Variants in LSM8 observed in about 807,000 individuals in gnomAD.
LSM8 encodes LSM8 U6 small nuclear RNA associated.
A neutral mutation model predicts 15.0 loss-of-function variants in LSM8; 14 were observed. The observed-to-expected ratio is 0.93, with a 90% CI of 0.62 to 1.46. The LOEUF (loss-of-function observed/expected upper bound fraction) is 1.46, where lower values mean the gene tolerates loss of function less well. LSM8 is among the 40% of genes most tolerant of loss of function. The pLI, the probability that LSM8 is intolerant of heterozygous loss-of-function variation, is 0.00. For synonymous variants in LSM8, 50 were observed against 42.1 expected (o/e 1.19, Z -0.73); for missense variants, 90 against 115.4 (o/e 0.78, Z 1.01).
chr7:118,193,806 T>A lies in LSM8; in HGVS notation c.*1804T>A, dbSNP rs1809029937. On this transcript the variant is annotated 3_prime_UTR_variant, in exon 4 of 4. Transcript: ENST00000249299. ...CAAATGAAGTCCAGAGTCAGATCTT[T>A]TCTCAAAATACTTGGCATATCAACA... is the stretch of plus-strand genomic sequence containing the variant. Among the ~76,000 whole-genome samples, 1 of 152,098 alleles carries A rather than the reference T, an allele frequency of 6.6e-6. No homozygotes were observed. Among genetic ancestry groups the A allele is most frequent in the Admixed American group, 6.6e-5 (1 of 15,260 alleles).
rs549493392 is a variant in LSM8 at position 118,192,767 on chromosome 7, A to G, written c.*765A>G. On this transcript the variant is annotated 3_prime_UTR_variant, in exon 4 of 4. Coordinates refer to ENST00000249299, the MANE Select transcript of LSM8 (RefSeq NM_016200.5). Reference sequence around the variant, plus strand: ...ATTTTTAATTTTTAAGAATTGGAGAATTTCTAATGTTAAAGTTAGTTTATA... The same window carrying G: ...ATTTTTAATTTTTAAGAATTGGAGAGTTTCTAATGTTAAAGTTAGTTTATA... The G allele has an allele frequency of 6.6e-6, 1 of 152,316 alleles. No homozygotes were observed. Among genetic ancestry groups the G allele is most frequent in the Non-Finnish European group, 1.5e-5 (1 of 68,006 alleles). The allele number at this position is 152,316 out of a possible 1,614,324, so 9.4% of individuals were successfully genotyped here.
chr7:118,190,224 A>G (rs1298749781), intron 3 of LSM8: 1 of 152,222 alleles, frequency 6.6e-6, no homozygotes, highest in African/African-American at 2.4e-5. Context: ...AAAATATTTT[A>G]GAGATGACTT....
intron 3 of LSM8, chr7:118,189,555 TAAAA>T (rs1220042351): frequency 6.8e-6 from 1 of 147,778 alleles, no homozygotes; most frequent in Non-Finnish European, 1.5e-5. Flanking sequence ...TGTCAAAAAA[TAAAA>T]AAGAAAAGTG....
In LSM8 at chr7:118,194,797, G is replaced by A. The variant is rs866353793; in HGVS notation, c.*2795G>A. Reference sequence around the variant, plus strand: ...TGACAATATAGTTAGTATATTCTGGGCCTTCATCTTCAAAATTAGTAGGTA... The same window carrying A: ...TGACAATATAGTTAGTATATTCTGGACCTTCATCTTCAAAATTAGTAGGTA... On this transcript the variant is annotated 3_prime_UTR_variant, in exon 4 of 4. Coordinates refer to ENST00000249299, the MANE Select transcript of LSM8 (RefSeq NM_016200.5). Among the ~76,000 whole-genome samples, 2 of 152,066 alleles carry A rather than the reference G, an allele frequency of 1.3e-5. No homozygotes were observed. Among genetic ancestry groups the A allele is most frequent in the South Asian group, 2.1e-4 (1 of 4,828 alleles).
intron 2 of LSM8, among the ~76,000 whole-genome samples, chr7:118,187,940 A>C (rs2402322): frequency 0.71 from 108,247 of 151,670 alleles, 38,850 homozygotes; most frequent in South Asian, 0.85. Context: ...TCCCTTAAAT[A>C]TCCTTTGTCT....
In LSM8 at chr7:118,191,942, A is replaced by G; in HGVS notation, c.231A>G (p.Thr77=). The G allele has an allele frequency of 1.9e-6, 3 of 1,613,126 alleles. No individual in the cohort carries two copies. The highest frequency in any genetic ancestry group is 1.7e-6 in the Non-Finnish European group (2 of 1,179,462). ...VAVIGEIDEE[T]DSALDLGNIR... is the part of the protein sequence containing the mutation. ...TCATTGGAGAAATCGATGAAGAAAC[A>G]GATTCTGCGCTTGATTTGGGGAATA... The change falls in exon 4 of 4, where the codon ACA becomes ACG. Residue 77 remains threonine (T), a synonymous_variant. Transcript: ENST00000249299.
rs1809043033 is a variant in LSM8, at chr7:118,194,458, G to A, written c.*2456G>A. Reference sequence around the variant, plus strand: ...GCACTTTGGTAACTTGGCCTCACATGCTGACAGTTTTGGCTAAATATTACA... The same window carrying A: ...GCACTTTGGTAACTTGGCCTCACATACTGACAGTTTTGGCTAAATATTACA... On this transcript the variant is annotated 3_prime_UTR_variant, in exon 4 of 4. Transcript: ENST00000249299. Among the ~76,000 whole-genome samples, 1 of 151,166 alleles carries A rather than the reference G, an allele frequency of 6.6e-6. No homozygotes were observed. The highest frequency in any genetic ancestry group is 1.5e-5 in the Non-Finnish European group (1 of 67,798).
In LSM8 at chr7:118,201,058, A is replaced by G. The variant is rs148661744; in HGVS notation, c.*9056A>G. On this transcript the variant is annotated 3_prime_UTR_variant, in exon 4 of 4. Coordinates refer to ENST00000249299, the MANE Select transcript of LSM8 (RefSeq NM_016200.5). ...AGTTTTGCTTGTATCACTCATAGTT[A>G]CTAAAAATGCAAAAGGCAAATTTGA... Among the ~76,000 whole-genome samples, 771 of 152,256 alleles carry G rather than the reference A, an allele frequency of 5.1e-3. 5 individuals carry two copies. The highest frequency in any genetic ancestry group is 0.017 in the African/African-American group (711 of 41,572).
chr7:118,197,257 A>C lies in LSM8; in HGVS notation c.*5255A>C, dbSNP rs1809095560. 1.3e-5 allele frequency among the ~76,000 whole-genome samples: 2 copies of C among 151,432 alleles called. No homozygotes were observed. Among genetic ancestry groups the C allele is most frequent in the Admixed American group, 6.6e-5 (1 of 15,216 alleles). On this transcript the variant is annotated 3_prime_UTR_variant, in exon 4 of 4. Transcript: ENST00000249299. ...TGCCATATAATTAGTATGGTACCAA[A>C]TTGTTATTACATTTGAAATACGTTA...
chr7:118,202,370 G>A lies in LSM8; in HGVS notation c.*10368G>A, dbSNP rs1655197595. Among the ~76,000 whole-genome samples, 1 of 151,914 alleles carries A rather than the reference G, an allele frequency of 6.6e-6. No individual in the cohort carries two copies. Among genetic ancestry groups the A allele is most frequent in the Non-Finnish European group, 1.5e-5 (1 of 67,934 alleles). Reference sequence around the variant, plus strand: ...AAAGAACAGAAAAGTGAAAAGCAAGGCAGTTCAGACTGGGGCACCTACTCA... The same window carrying A: ...AAAGAACAGAAAAGTGAAAAGCAAGACAGTTCAGACTGGGGCACCTACTCA... On this transcript the variant is annotated 3_prime_UTR_variant, in exon 4 of 4. Transcript: ENST00000249299.
chr7:118,185,594 G>A (rs1323437807), intron 1 of LSM8, 60 bp from the exon 2 acceptor site: 14 of 1,415,604 alleles, frequency 9.9e-6, no homozygotes, highest in Non-Finnish European at 1.0e-6. Context: ...TCATTCCCTT[G>A]CCAGAGTCTG....
chr7:118,185,673 A>G lies in LSM8; in HGVS notation c.51A>G (p.Thr17=). The G allele has an allele frequency of 6.2e-7, 1 of 1,611,544 alleles. No individual in the cohort carries two copies. Among genetic ancestry groups the G allele is most frequent in the Non-Finnish European group, 8.5e-7 (1 of 1,177,890 alleles). The change falls in exon 2 of 4, where the codon ACA becomes ACG. Residue 17 remains threonine, a synonymous_variant. Transcript: ENST00000249299. ...TATCAGGAACTGTTGCCGTTATTAC[A>G]TCAGATGGGAGAATGATTGTGGTAA... ...NYINRTVAVI[T]SDGRMIVGTL...
Position 118,202,149 on chromosome 7 carries a change from A to G in LSM8, c.*10147A>G, listed in dbSNP as rs571148054. 6.6e-6 allele frequency among the ~76,000 whole-genome samples: 1 copy of G among 152,180 alleles called. No homozygotes were observed. Among genetic ancestry groups the G allele is most frequent in the Non-Finnish European group, 1.5e-5 (1 of 67,964 alleles). ...TCTGGGGATGTCTTGAAATAGATAC[A>G]TTGGCAGTTTTTTTGTTTTTGTTTT... On this transcript the variant is annotated 3_prime_UTR_variant, in exon 4 of 4. Coordinates refer to ENST00000249299, the MANE Select transcript of LSM8 (RefSeq NM_016200.5).
chr7:118,191,328 C>A (rs1009619307), intron 3 of LSM8: 2 of 152,208 alleles, frequency 1.3e-5, no homozygotes, highest in Non-Finnish European at 2.9e-5. Flanking sequence ...TAGCTTTTAA[C>A]CTGAGCCAAT....
rs918116769 is a variant in LSM8 at position 118,200,378 on chromosome 7, C to T, written c.*8376C>T. On this transcript the variant is annotated 3_prime_UTR_variant, in exon 4 of 4. Coordinates refer to ENST00000249299, the MANE Select transcript of LSM8 (RefSeq NM_016200.5). ...CTGGTACAAGTGAAAAACCTCTCAG[C>T]CCTACACAGCATCTTTAAGAAAGCT... is the stretch of plus-strand genomic sequence containing the variant. Among the ~76,000 whole-genome samples, 9 of 152,100 alleles carry T rather than the reference C, an allele frequency of 5.9e-5. No individual in the cohort carries two copies. Among genetic ancestry groups the T allele is most frequent in the Middle Eastern group, 3.4e-3 (1 of 294 alleles).
chr7:118,185,466 A>T, intron 1 of LSM8, 188 bp from the exon 2 acceptor site: 1 of 576,618 alleles, frequency 1.7e-6, no homozygotes. Flanking sequence ...AGCTGGTCTC[A>T]CCTCAAGTGA....
intron 1 of LSM8, 35 bp downstream of exon 1, chr7:118,184,289 G>GGGTCGCGGAGAGGCCGC (rs1049993117): frequency 6.8e-7 from 1 of 1,461,864 alleles, no homozygotes; most frequent in Non-Finnish European, 9.1e-7. Flanking sequence ...GCGTGAGCCG[G>GGGTCGCGGAGAGGCCGC]GGTCGCGGAG....
chr7:118,185,409 G>A (rs1808870111), intron 1 of LSM8: 1 of 416,218 alleles, frequency 2.4e-6, no homozygotes, highest in Non-Finnish European at 4.3e-6. Flanking sequence ...GGGACTATAG[G>A]TCACCAGGCC....
chr7:118,184,379 C>G, intron 1 of LSM8, 125 bp downstream of exon 1: 2 of 1,162,080 alleles, frequency 1.7e-6, no homozygotes, highest in Non-Finnish European at 2.3e-6. Flanking sequence ...AGATGAGGGC[C>G]CCGGAACGAC....
Sources: gnomAD v4.1 joint callset for allele counts (sites outside exome capture counted in the v4.1 genomes callset) on GRCh38, gnomAD v4.1.1 for gene constraint, MANE v1.5 for transcripts, NCBI Gene and HGNC (gene_info 2026-07-23, HGNC 2026-07-21) for gene names.